PPM1H: variants seen among roughly 807,000 people sequenced by gnomAD.
PPM1H encodes protein phosphatase, Mg2+/Mn2+ dependent 1H, also known as protein phosphatase 1H.
In PPM1H, 27 loss-of-function variants were observed where a neutral mutation model predicts 54.9. The ratio of observed to expected loss-of-function variants is 0.49; its 90% CI spans 0.36 to 0.68. The LOEUF (loss-of-function observed/expected upper bound fraction) is 0.68. Among genes scored for constraint, PPM1H ranks in the 30% least tolerant of loss-of-function variants. The pLI is 0.00. For missense variants in PPM1H, 596 were observed against 667.8 expected (o/e 0.89, Z 1.19); for synonymous variants, 305 against 270.8 (o/e 1.13, Z -1.24).
rs146404098 is a variant in PPM1H, at chr12:62,855,423, T to C, written c.246-23144A>G. On this transcript the variant is annotated intron_variant, in intron 1 of 9. Coordinates refer to ENST00000228705, the MANE Select transcript of PPM1H (RefSeq NM_020700.2). ...GACACACGCAGAACCCAGAGAGGAT[T>C]ATCTCTGAGGCAATGAGCAGAAACA... is the stretch of plus-strand genomic sequence containing the variant. Among the ~76,000 whole-genome samples, 303 of 152,248 alleles carry C rather than the reference T, an allele frequency of 2.0e-3. 1 individual carries two copies. The highest frequency in any genetic ancestry group is 6.8e-3 in the Middle Eastern group (2 of 294).
intron 1 of PPM1H, among the ~76,000 whole-genome samples, chr12:62,865,397 C>T (rs1330704311): frequency 6.6e-6 from 1 of 152,182 alleles, no homozygotes; most frequent in Non-Finnish European, 1.5e-5. Context: ...CCTCCTCTGT[C>T]TCTCTAGTCT....
At chr12:62,708,036 C>T (rs1198090139) in intron 6 of PPM1H, among the ~76,000 whole-genome samples, 1 of 152,234 alleles carries the variant, frequency 6.6e-6, no homozygotes, top group East Asian at 1.9e-4. Context: ...TCCATCCCCT[C>T]ATGAGGCTTC....
intron 1 of PPM1H, among the ~76,000 whole-genome samples, chr12:62,834,099 A>T (rs1173112028): frequency 6.6e-6 from 1 of 152,164 alleles, no homozygotes; most frequent in African/African-American, 2.4e-5. Context: ...CTTATTTCAC[A>T]TATTACAGTA....
intron 1 of PPM1H, among the ~76,000 whole-genome samples, chr12:62,932,399 T>C (rs1041780819): frequency 6.6e-6 from 1 of 152,022 alleles, no homozygotes; most frequent in Non-Finnish European, 1.5e-5. Flanking sequence ...CCTTTTACTG[T>C]GTCCAAACGG....
intron 1 of PPM1H, among the ~76,000 whole-genome samples, chr12:62,924,221 G>T (rs1233461008): frequency 6.6e-6 from 1 of 152,138 alleles, no homozygotes; most frequent in Non-Finnish European, 1.5e-5. Context: ...AGTGGGGGGG[G>T]CAGTAGCCAA....
At chr12:62,860,814 T>C (rs1275577247) in intron 1 of PPM1H, among the ~76,000 whole-genome samples, 1 of 152,248 alleles carries the variant, frequency 6.6e-6, no homozygotes, top group Non-Finnish European at 1.5e-5. Context: ...GAATTGTTGC[T>C]ATTAAGTTTC....
chr12:62,685,810 T>A (rs188961588), intron 8 of PPM1H, among the ~76,000 whole-genome samples: 1 of 152,228 alleles, frequency 6.6e-6, no homozygotes, highest in Non-Finnish European at 1.5e-5. Flanking sequence ...TATGAAGTGA[T>A]GAATATGTTA....
At chr12:62,770,740 C>A (rs756572109) in intron 4 of PPM1H, among the ~76,000 whole-genome samples, 2 of 152,054 alleles carry the variant, frequency 1.3e-5, no homozygotes, top group Non-Finnish European at 2.9e-5. Flanking sequence ...GAGTGAAAAG[C>A]GAGCAGAGAG....
intron 4 of PPM1H, among the ~76,000 whole-genome samples, chr12:62,765,917 G>A (rs1225389531): frequency 6.6e-6 from 1 of 152,234 alleles, no homozygotes; most frequent in Non-Finnish European, 1.5e-5. Context: ...GATGAGAAGT[G>A]ACAGGTGAAG....
At position 62,776,878 on chromosome 12, in the gene PPM1H, G is replaced by C. The variant is rs1016400466; in HGVS notation, c.869+11348C>G. Among the ~76,000 whole-genome samples, 3 of 152,206 alleles carry C rather than the reference G, an allele frequency of 2.0e-5. No individual in the cohort carries two copies. In the East Asian group the frequency reaches 5.8e-4, roughly 29 times the overall value. On this transcript the variant is annotated intron_variant, in intron 4 of 9. Transcript: ENST00000228705. ...CATATTGTTCAGTTAACTCCTTGAA[G>C]CAAACAAATCATTTGATAACTGTAC...
intron 2 of PPM1H, among the ~76,000 whole-genome samples, chr12:62,802,594 C>T (rs1392177068): frequency 6.7e-6 from 1 of 148,818 alleles, no homozygotes; most frequent in Non-Finnish European, 1.5e-5. Context: ...GACAGAGTCT[C>T]ACTCTGTGGC....
intron 1 of PPM1H, among the ~76,000 whole-genome samples, chr12:62,856,591 C>T (rs558236082): frequency 3.3e-5 from 5 of 152,220 alleles, no homozygotes; most frequent in East Asian, 1.9e-4. Context: ...CCCAATACAA[C>T]AAAATGATAA....
At chr12:62,857,846 C>T (rs1483969034) in intron 1 of PPM1H, among the ~76,000 whole-genome samples, 4 of 152,092 alleles carry the variant, frequency 2.6e-5, no homozygotes, top group Non-Finnish European at 5.9e-5. Context: ...TTATTGTACT[C>T]ATTTGAAGGC....
intron 8 of PPM1H, among the ~76,000 whole-genome samples, chr12:62,669,096 C>T (rs1211008500): frequency 6.6e-6 from 1 of 152,254 alleles, no homozygotes; most frequent in Non-Finnish European, 1.5e-5. Context: ...TGGTGTTTAA[C>T]ATCTTCTTTC....
intron 1 of PPM1H, among the ~76,000 whole-genome samples, chr12:62,885,680 A>G (rs538308136): frequency 7.9e-4 from 120 of 152,328 alleles, no homozygotes; most frequent in Non-Finnish European, 1.5e-3. Context: ...AGTTTTGATC[A>G]TTATACTATG....
At chr12:62,785,764 A>C (rs1042506314) in intron 4 of PPM1H, among the ~76,000 whole-genome samples, 2 of 151,946 alleles carry the variant, frequency 1.3e-5, no homozygotes, top group Non-Finnish European at 1.5e-5. Flanking sequence ...AGGACAGAGG[A>C]CTGGAGCTTC....
chr12:62,684,395 T>G lies in PPM1H; in HGVS notation c.1245+5304A>C, dbSNP rs1460696361. Among the ~76,000 whole-genome samples, 3 of 152,236 alleles carry G rather than the reference T, an allele frequency of 2.0e-5. No homozygotes were observed. In the East Asian group the frequency reaches 5.8e-4, roughly 29 times the overall value. On this transcript the variant is annotated intron_variant, in intron 8 of 9. Coordinates refer to ENST00000228705, the MANE Select transcript of PPM1H (RefSeq NM_020700.2). Reference sequence around the variant, plus strand: ...CAAACTCGAGATTTTTCCAGCGCCTTGTGTTCAGCGAAACTGAAAATGTGT... The same window carrying G: ...CAAACTCGAGATTTTTCCAGCGCCTGGTGTTCAGCGAAACTGAAAATGTGT...
intron 9 of PPM1H, chr12:62,658,901 T>C: frequency 1.5e-6 from 1 of 657,426 alleles, no homozygotes; most frequent in Non-Finnish European, 2.9e-6. Context: ...GTCTGACCAA[T>C]ATGTCAAAAT....
At chr12:62,687,675 T>C (rs960481769) in intron 8 of PPM1H, among the ~76,000 whole-genome samples, 3 of 152,120 alleles carry the variant, frequency 2.0e-5, no homozygotes, top group Non-Finnish European at 4.4e-5. Context: ...GAGTTATGTC[T>C]AAATGTTCTG....
Sources: allele counts gnomAD v4.1 joint callset (sites outside exome capture counted in the v4.1 genomes callset), GRCh38; gene constraint gnomAD v4.1.1; transcripts MANE v1.5; gene names NCBI Gene and HGNC (gene_info 2026-07-23, HGNC 2026-07-21).